The following DYNLL1 variants were observed in gnomAD, a reference collection of about 807,000 sequenced individuals.
DYNLL1 encodes the protein dynein light chain LC8-type 1.
DYNLL1 carries 3 observed loss-of-function variants against 10.1 expected under a neutral mutation model. The observed-to-expected ratio is 0.30, with a 90% CI of 0.14 to 0.77. The LOEUF (loss-of-function observed/expected upper bound fraction) is 0.77. DYNLL1 is among the 30% of genes least tolerant of loss of function. The probability of loss-of-function intolerance (pLI) is 0.66; values close to 1 mark genes in which losing one functional copy is unlikely to be tolerated. For missense variants in DYNLL1, 47 were observed against 111.7 expected (o/e 0.42, Z 2.61); for synonymous variants, 46 against 41.2 (o/e 1.12, Z -0.45).
chr12:120,478,364 C>T (rs1199181416), intron 1 of DYNLL1, among the ~76,000 whole-genome samples: 3 of 151,530 alleles, frequency 2.0e-5, no homozygotes, highest in East Asian at 4.0e-4. Context: ...GCCTCGACCT[C>T]CCAAAGTGCT....
chr12:120,472,046 T>C (rs1878662623), intron 1 of DYNLL1, among the ~76,000 whole-genome samples: 1 of 152,258 alleles, frequency 6.6e-6, no homozygotes, highest in Non-Finnish European at 1.5e-5. Flanking sequence ...ACATTAACTT[T>C]GAATGTTACA....
intron 1 of DYNLL1, among the ~76,000 whole-genome samples, chr12:120,472,458 T>A (rs1192998100): frequency 6.6e-6 from 1 of 152,214 alleles, no homozygotes; most frequent in South Asian, 2.1e-4. Flanking sequence ...TGCAGCCTTA[T>A]AGGAGCTTAC....
intron 1 of DYNLL1, 43 bp from the exon 2 acceptor site, chr12:120,496,373 G>T (rs368008301): frequency 2.6e-5 from 42 of 1,610,442 alleles, no homozygotes; most frequent in Non-Finnish European, 3.6e-5. Flanking sequence ...TGCCTGGGGG[G>T]CGCGGCCCAA....
chr12:120,481,924 C>T (rs930192865), intron 1 of DYNLL1, among the ~76,000 whole-genome samples: 7 of 152,240 alleles, frequency 4.6e-5, no homozygotes, highest in African/African-American at 7.2e-5. Context: ...TGCTAGCCCA[C>T]GGCAGCCTCG....
chr12:120,479,026 T>C (rs901036852), intron 1 of DYNLL1, among the ~76,000 whole-genome samples: 3 of 145,636 alleles, frequency 2.1e-5, no homozygotes, highest in Admixed American at 7.0e-5. Context: ...TAGCTGGGCA[T>C]GGTGGCAGGT....
At chr12:120,497,991 C>A in intron 2 of DYNLL1, 82 bp from the exon 3 acceptor site, 1 of 1,402,154 alleles carries the variant, frequency 7.1e-7, no homozygotes, top group East Asian at 2.4e-5. Context: ...CCTTTCTGCC[C>A]CTACAGGCTC....
At chr12:120,470,153 A>C (rs1441296054) in intron 1 of DYNLL1, 1 of 152,232 alleles carries the variant, frequency 6.6e-6, no homozygotes. Flanking sequence ...GTTGCTCAGA[A>C]CTGACGGTGT....
chr12:120,496,728 C>G (rs1430319496), intron 2 of DYNLL1, 175 bp downstream of exon 2: 1 of 960,114 alleles, frequency 1.0e-6, no homozygotes, highest in Non-Finnish European at 1.5e-6. Context: ...AGACCAGACC[C>G]CCGGCGTCCG....
At position 120,480,573 on chromosome 12, in the gene DYNLL1, A is replaced by G. The variant is rs113527367; in HGVS notation, c.-7+10469A>G. ...TGCATGGGCTGGCTCCTCTCCCTGG[A>G]CACTGTTTTGCTCCCTCTACCTCTG... On this transcript the variant is annotated intron_variant, in intron 1 of 2. Transcript: ENST00000392509. 1.8e-3 allele frequency among the ~76,000 whole-genome samples: 274 copies of G among 152,082 alleles called. 1 individual carries two copies. Among genetic ancestry groups the G allele is most frequent in the Admixed American group, 3.6e-3 (55 of 15,268 alleles).
At chr12:120,479,473 ATAATAAT>A (rs1878837684) in intron 1 of DYNLL1, among the ~76,000 whole-genome samples, 2 of 111,306 alleles carry the variant, frequency 1.8e-5, no homozygotes, top group Non-Finnish European at 3.8e-5. Flanking sequence ...AAAAAAAATA[ATAATAAT>A]AATAATAATA....
intron 1 of DYNLL1, among the ~76,000 whole-genome samples, chr12:120,476,440 C>T (rs183164590): frequency 2.0e-5 from 3 of 152,270 alleles, no homozygotes; most frequent in South Asian, 2.1e-4. Context: ...GGCTCTCCCC[C>T]TCAGCCAGCA....
chr12:120,488,357 C>T (rs1879043035), intron 1 of DYNLL1, among the ~76,000 whole-genome samples: 1 of 152,070 alleles, frequency 6.6e-6, no homozygotes, highest in South Asian at 2.1e-4. Flanking sequence ...TAGATTGTTC[C>T]TCTAATGTGA....
At chr12:120,477,791 A>AAT (rs1555221075) in intron 1 of DYNLL1, among the ~76,000 whole-genome samples, 4 of 151,284 alleles carry the variant, frequency 2.6e-5, no homozygotes, top group African/African-American at 9.7e-5. Flanking sequence ...ATAAAGTAAA[A>AAT]ATATATATAT....
intron 1 of DYNLL1, among the ~76,000 whole-genome samples, chr12:120,473,004 G>T (rs1878682419): frequency 6.6e-6 from 1 of 152,138 alleles, no homozygotes. Flanking sequence ...TGTTCATCTA[G>T]ATATTCAACA....
At chr12:120,470,918 T>C (rs1034569363) in intron 1 of DYNLL1, among the ~76,000 whole-genome samples, 1 of 151,660 alleles carries the variant, frequency 6.6e-6, no homozygotes, top group Non-Finnish European at 1.5e-5. Context: ...GGTGGCGTGT[T>C]CCTATAATCC....
At chr12:120,487,922 G>A (rs889986324) in intron 1 of DYNLL1, among the ~76,000 whole-genome samples, 8 of 152,080 alleles carry the variant, frequency 5.3e-5, no homozygotes, top group Non-Finnish European at 1.0e-4. Flanking sequence ...TAAAACAAAG[G>A]AAAATTTGTT....
upstream of DYNLL1, chr12:120,491,320 G>C (rs1879121256): frequency 6.5e-6 from 1 of 152,762 alleles, no homozygotes; most frequent in East Asian, 1.9e-4. Context: ...ACAGTCCTTG[G>C]CTCCAAAGCT....
At chr12:120,477,812 C>G (rs949293734) in intron 1 of DYNLL1, among the ~76,000 whole-genome samples, 1 of 151,458 alleles carries the variant, frequency 6.6e-6, no homozygotes, top group East Asian at 1.9e-4. Flanking sequence ...ATTTTTTTTT[C>G]TGAGACAGAG....
chr12:120,487,077 C>G (rs1879011496), intron 1 of DYNLL1, among the ~76,000 whole-genome samples: 1 of 151,076 alleles, frequency 6.6e-6, no homozygotes, highest in Non-Finnish European at 1.5e-5. Flanking sequence ...CAGGTTCACA[C>G]CATTGTCCTG....
Sources: allele counts gnomAD v4.1 joint callset (sites outside exome capture counted in the v4.1 genomes callset), GRCh38; gene constraint gnomAD v4.1.1; transcripts MANE v1.5; gene names NCBI Gene and HGNC (gene_info 2026-07-23, HGNC 2026-07-21).